The following BMP2K variants were observed in gnomAD, a reference collection of about 807,000 sequenced individuals.
BMP2K encodes BMP-2-inducible protein kinase.
BMP2K carries 74 observed loss-of-function variants against 116.0 expected under a neutral mutation model. That is an observed-to-expected ratio of 0.64 (90% CI 0.53 to 0.77). BMP2K has a LOEUF of 0.77. BMP2K is among the 30% of genes least tolerant of loss of function. The pLI, the probability that BMP2K is intolerant of heterozygous loss-of-function variation, is 0.00. For missense variants in BMP2K, 1,365 were observed against 1,403.6 expected (o/e 0.97, Z 0.44); for synonymous variants, 486 against 502.5 (o/e 0.97, Z 0.44).
chr4:78,911,421 C>G lies in BMP2K; in HGVS notation c.2874C>G (p.Pro958=). The change falls in exon 16 of 16, where the codon CCC becomes CCG. Residue 958 remains proline, a synonymous_variant. Coordinates refer to ENST00000502613, the MANE Select transcript of BMP2K (RefSeq NM_198892.2). ...ESNEDLFGLV[P]FDEITGSQQQ... The stretch of plus-strand genomic sequence containing the variant: ...ATGAGGACCTTTTTGGGCTTGTGCC[C>G]TTTGATGAAATAACGGGGAGCCAGC... The G allele has an allele frequency of 6.2e-7, 1 of 1,614,004 alleles. No individual in the cohort carries two copies. The highest frequency in any genetic ancestry group is 8.5e-7 in the Non-Finnish European group (1 of 1,179,894).
intron 1 of BMP2K, among the ~76,000 whole-genome samples, chr4:78,787,750 G>A (rs1177003534): frequency 6.6e-6 from 1 of 152,112 alleles, no homozygotes; most frequent in Non-Finnish European, 1.5e-5. Context: ...TATTTTCTAG[G>A]TGGAAAGACA....
intron 3 of BMP2K, among the ~76,000 whole-genome samples, chr4:78,837,401 G>A (rs1280120678): frequency 6.6e-6 from 1 of 151,844 alleles, no homozygotes; most frequent in Non-Finnish European, 1.5e-5. Flanking sequence ...TGCCATGTTG[G>A]CCAGGCTGGT....
intron 13 of BMP2K, among the ~76,000 whole-genome samples, chr4:78,873,717 CATGT>C (rs960541211): frequency 7.5e-5 from 11 of 146,532 alleles, no homozygotes; most frequent in African/African-American, 1.5e-4. Context: ...TGCATGCATG[CATGT>C]GTGTGCACAT....
At chr4:78,836,331 G>A (rs1374092928) in intron 3 of BMP2K, among the ~76,000 whole-genome samples, 1 of 151,908 alleles carries the variant, frequency 6.6e-6, no homozygotes, top group African/African-American at 2.4e-5. Flanking sequence ...GCAGGAGAAT[G>A]GCGTGAACCG....
chr4:78,778,633 A>G (rs1197316938), intron 1 of BMP2K, among the ~76,000 whole-genome samples: 1 of 152,214 alleles, frequency 6.6e-6, no homozygotes, highest in East Asian at 1.9e-4. Context: ...CACAACTGGA[A>G]TTGTCTATGT....
chr4:78,838,463 A>G (rs1000891072), intron 3 of BMP2K, among the ~76,000 whole-genome samples: 2 of 152,220 alleles, frequency 1.3e-5, no homozygotes, highest in Non-Finnish European at 2.9e-5. Context: ...AGAAGGCCTG[A>G]ATGGAGTATG....
chr4:78,792,212 A>G (rs943420668), intron 1 of BMP2K, among the ~76,000 whole-genome samples: 4 of 152,238 alleles, frequency 2.6e-5, no homozygotes, highest in African/African-American at 9.6e-5. Flanking sequence ...TAGAACATAA[A>G]AGATGTACGT....
chr4:78,874,094 C>G (rs1732519323), intron 13 of BMP2K, among the ~76,000 whole-genome samples: 1 of 151,920 alleles, frequency 6.6e-6, no homozygotes, highest in Non-Finnish European at 1.5e-5. Flanking sequence ...AGGAGAATGG[C>G]TTGAACTTGG....
At chr4:78,880,795 T>C (rs1380957292) in intron 14 of BMP2K, among the ~76,000 whole-genome samples, 1 of 152,240 alleles carries the variant, frequency 6.6e-6, no homozygotes, top group African/African-American at 2.4e-5. Context: ...ATGCCATTTG[T>C]AAATTGTGCA....
chr4:78,851,156 G>A, intron 7 of BMP2K, 100 bp downstream of exon 7: 1 of 1,224,834 alleles, frequency 8.2e-7, no homozygotes. Flanking sequence ...TTTCATATAT[G>A]AAAATTTTGT....
intron 1 of BMP2K, among the ~76,000 whole-genome samples, chr4:78,811,838 T>C (rs1398123247): frequency 6.6e-6 from 1 of 152,218 alleles, no homozygotes; most frequent in Non-Finnish European, 1.5e-5. Flanking sequence ...AAAACCCATA[T>C]TTTCCCTCCT....
chr4:78,820,114 T>C (rs1729542986), intron 1 of BMP2K, among the ~76,000 whole-genome samples: 2 of 152,218 alleles, frequency 1.3e-5, no homozygotes, highest in Admixed American at 6.5e-5. Flanking sequence ...TTGAAGCAAC[T>C]TTAAAAGTTT....
intron 1 of BMP2K, among the ~76,000 whole-genome samples, chr4:78,805,688 A>C (rs1728782401): frequency 6.6e-6 from 1 of 152,072 alleles, no homozygotes; most frequent in Non-Finnish European, 1.5e-5. Flanking sequence ...CAGTTCCTTT[A>C]GGCTGGGTGT....
chr4:78,822,764 T>TGAGG (rs907167611), intron 1 of BMP2K, among the ~76,000 whole-genome samples: 1 of 152,144 alleles, frequency 6.6e-6, no homozygotes, highest in African/African-American at 2.4e-5. Flanking sequence ...TGTGGAAAAC[T>TGAGG]GAGGTACATG....
At chr4:78,801,031 A>G (rs532477657) in intron 1 of BMP2K, among the ~76,000 whole-genome samples, 5 of 152,250 alleles carry the variant, frequency 3.3e-5, no homozygotes, top group African/African-American at 1.2e-4. Flanking sequence ...ATAATGCTCA[A>G]TGAACTTTTC....
chr4:78,876,783 A>G (rs1343337199), intron 13 of BMP2K, among the ~76,000 whole-genome samples: 1 of 152,230 alleles, frequency 6.6e-6, no homozygotes, highest in Non-Finnish European at 1.5e-5. Context: ...ACAGTCATGC[A>G]TTGCATAACA....
intron 10 of BMP2K, among the ~76,000 whole-genome samples, chr4:78,870,160 T>C (rs1191938697): frequency 1.3e-5 from 2 of 152,328 alleles, no homozygotes; most frequent in South Asian, 2.1e-4. Context: ...TAAATAAATA[T>C]CCATTTAGGA....
At chr4:78,837,272 C>T (rs944221925) in intron 3 of BMP2K, among the ~76,000 whole-genome samples, 3 of 152,082 alleles carry the variant, frequency 2.0e-5, no homozygotes, top group Non-Finnish European at 4.4e-5. Context: ...CTTACTGCAA[C>T]CTCTGCCTTG....
chr4:78,791,074 T>C (rs1203408737), intron 1 of BMP2K, among the ~76,000 whole-genome samples: 3 of 152,200 alleles, frequency 2.0e-5, no homozygotes, highest in Non-Finnish European at 4.4e-5. Context: ...TGTTGAGGTA[T>C]ACCAGTTTAT....
Sources: allele counts gnomAD v4.1 joint callset (sites outside exome capture counted in the v4.1 genomes callset), GRCh38; gene constraint gnomAD v4.1.1; transcripts MANE v1.5; gene names NCBI Gene and HGNC (gene_info 2026-07-23, HGNC 2026-07-21).